The following SNX9 variants were observed in gnomAD, a reference collection of about 807,000 sequenced individuals.
SNX9 encodes the protein sorting nexin-9.
Under a neutral mutation model 89.4 loss-of-function variants are expected in SNX9, and 44 were observed. The observed-to-expected ratio is 0.49, with a 90% CI of 0.39 to 0.63. The LOEUF (loss-of-function observed/expected upper bound fraction) is 0.63, where lower values mean the gene tolerates loss of function less well. Among genes scored for constraint, SNX9 ranks in the 30% least tolerant of loss-of-function variants. The pLI, the probability that SNX9 is intolerant of heterozygous loss-of-function variation, is 0.00. For synonymous variants in SNX9, 236 were observed against 247.8 expected (o/e 0.95, Z 0.45); for missense variants, 578 against 736.1 (o/e 0.79, Z 2.49).
intron 10 of SNX9, among the ~76,000 whole-genome samples, chr6:157,925,995 A>G (rs1384544945): frequency 6.6e-6 from 1 of 152,224 alleles, no homozygotes; most frequent in Non-Finnish European, 1.5e-5. Context: ...AAAAAGGGAC[A>G]AACCCCCTCC....
chr6:157,857,961 G>A (rs1164429045), intron 1 of SNX9, among the ~76,000 whole-genome samples: 1 of 152,062 alleles, frequency 6.6e-6, no homozygotes, highest in African/African-American at 2.4e-5. Flanking sequence ...TTGTGGTCTG[G>A]AGAGCCCATC....
At chr6:157,864,193 G>C (rs574312870) in intron 1 of SNX9, among the ~76,000 whole-genome samples, 1 of 152,204 alleles carries the variant, frequency 6.6e-6, no homozygotes, top group South Asian at 2.1e-4. Context: ...CAGGGGTAAG[G>C]GTGTTGTGTC....
At chr6:157,903,391 C>A (rs867215157) in intron 6 of SNX9, among the ~76,000 whole-genome samples, 1 of 152,124 alleles carries the variant, frequency 6.6e-6, no homozygotes, top group Non-Finnish European at 1.5e-5. Flanking sequence ...TTTGACTGCA[C>A]ACTTTTGCTG....
intron 10 of SNX9, among the ~76,000 whole-genome samples, chr6:157,924,999 T>G (rs1783660856): frequency 6.6e-6 from 1 of 152,168 alleles, no homozygotes; most frequent in Non-Finnish European, 1.5e-5. Flanking sequence ...CAGGGAAGAA[T>G]TTCTGAAATA....
At chr6:157,833,225 A>G (rs568762487) in intron 1 of SNX9, among the ~76,000 whole-genome samples, 1 of 152,244 alleles carries the variant, frequency 6.6e-6, no homozygotes. Context: ...TTTATGTTTT[A>G]GTTTGTTTTA....
chr6:157,938,885 C>T (rs16900522), intron 16 of SNX9, 138 bp downstream of exon 16: 17 of 599,520 alleles, frequency 2.8e-5, no homozygotes, highest in East Asian at 7.9e-5. Flanking sequence ...TGCAGGATCC[C>T]GGTGCTGATG....
chr6:157,839,173 G>T (rs1407946898), intron 1 of SNX9, among the ~76,000 whole-genome samples: 1 of 152,142 alleles, frequency 6.6e-6, no homozygotes, highest in East Asian at 1.9e-4. Context: ...TCAATGAATT[G>T]TCCTTGTGTA....
intron 1 of SNX9, among the ~76,000 whole-genome samples, chr6:157,859,249 T>A (rs1285476995): frequency 1.3e-5 from 2 of 152,250 alleles, no homozygotes; most frequent in East Asian, 3.8e-4. Context: ...CTCCCATGTT[T>A]CTAGGTGACC....
At chr6:157,862,013 A>G (rs898954086) in intron 1 of SNX9, among the ~76,000 whole-genome samples, 1 of 152,180 alleles carries the variant, frequency 6.6e-6, no homozygotes, top group Non-Finnish European at 1.5e-5. Flanking sequence ...GGGATGATTC[A>G]TGTCCTGAGT....
chr6:157,871,074 T>C (rs1782398972), intron 2 of SNX9, among the ~76,000 whole-genome samples: 1 of 152,242 alleles, frequency 6.6e-6, no homozygotes, highest in African/African-American at 2.4e-5. Flanking sequence ...GTACTTTATA[T>C]GTCTTGGATT....
At chr6:157,844,439 C>T (rs1375369166) in intron 1 of SNX9, among the ~76,000 whole-genome samples, 2 of 142,818 alleles carry the variant, frequency 1.4e-5, no homozygotes, top group African/African-American at 2.9e-5. Context: ...GTTTATTGAT[C>T]GGGGTGGTGC....
intron 1 of SNX9, among the ~76,000 whole-genome samples, chr6:157,860,617 A>C (rs1290370329): frequency 6.6e-6 from 1 of 152,202 alleles, no homozygotes; most frequent in East Asian, 1.9e-4. Context: ...TGTGCACCGC[A>C]TATAGAAGCT....
At chr6:157,880,169 G>T (rs1393499100) in intron 4 of SNX9, among the ~76,000 whole-genome samples, 1 of 152,210 alleles carries the variant, frequency 6.6e-6, no homozygotes, top group Admixed American at 6.5e-5. Flanking sequence ...AGGCTTGCCA[G>T]TGCGGCTCCA....
At chr6:157,930,415 G>T (rs1320693153) in intron 12 of SNX9, among the ~76,000 whole-genome samples, 1 of 152,164 alleles carries the variant, frequency 6.6e-6, no homozygotes, top group East Asian at 1.9e-4. Flanking sequence ...GATGACTCAG[G>T]AACAAAAAGC....
chr6:157,938,684 A>G lies in SNX9; in HGVS notation c.1585A>G (p.Ile529Val). Residue 529 changes from isoleucine to valine, a missense_variant, in exon 16 of 18, where the codon ATC becomes GTC. Coordinates refer to ENST00000392185, the MANE Select transcript of SNX9 (RefSeq NM_016224.5). Reference sequence around the variant, plus strand: ...TGACAAACTAGTTGCAACAAGTAAAATCACCCTACAAGACAAACAGAACAT... The same window carrying G: ...TGACAAACTAGTTGCAACAAGTAAAGTCACCCTACAAGACAAACAGAACAT... ...ESDKLVATSKITLQDKQNMVK... is the reference protein window; with the variant it reads ...ESDKLVATSKVTLQDKQNMVK... 3 of 1,614,166 alleles carry G rather than the reference A, an allele frequency of 1.9e-6. No individual in the cohort carries two copies. Among genetic ancestry groups the G allele is most frequent in the Middle Eastern group, 1.6e-4 (1 of 6,062 alleles).
Position 157,944,183 on chromosome 6 carries a change from CCT to C in SNX9, c.*1347_*1348del, listed in dbSNP as rs1256558774. The C allele has an allele frequency of 6.6e-6, 1 of 152,366 alleles. No homozygotes were observed. Among genetic ancestry groups the C allele is most frequent in the African/African-American group, 2.4e-5 (1 of 41,452 alleles). The allele number at this position is 152,366 out of a possible 1,614,324, so 9.4% of individuals were successfully genotyped here. A position where few individuals can be genotyped will look rare whatever the true frequency, so the allele number is the denominator to read the frequency against. ...CTCCCACAGGTGCCTTACCGCGTTC[CCT>C]CCCGCTGCTTTCATTTTTCTGACCT... On this transcript the variant is annotated 3_prime_UTR_variant, in exon 18 of 18. Transcript: ENST00000392185.
intron 4 of SNX9, among the ~76,000 whole-genome samples, chr6:157,878,228 G>A (rs530889095): frequency 6.6e-5 from 10 of 152,214 alleles, no homozygotes; most frequent in Non-Finnish European, 1.3e-4. Context: ...TTTTGGTGGT[G>A]AGAAAACGCT....
chr6:157,910,124 C>T (rs919386656), intron 9 of SNX9, 99 bp downstream of exon 9: 4 of 871,280 alleles, frequency 4.6e-6, no homozygotes, highest in Admixed American at 3.6e-5. Context: ...TCCTGTAGAG[C>T]AGCAGGATGC....
intron 1 of SNX9, among the ~76,000 whole-genome samples, chr6:157,863,315 T>C (rs1393397683): frequency 6.6e-6 from 1 of 152,252 alleles, no homozygotes; most frequent in East Asian, 1.9e-4. Context: ...AGATGTGTGC[T>C]TGCACACTTG....
Sources: gnomAD v4.1 joint callset for allele counts (sites outside exome capture counted in the v4.1 genomes callset) on GRCh38, gnomAD v4.1.1 for gene constraint, MANE v1.5 for transcripts, NCBI Gene and HGNC (gene_info 2026-07-23, HGNC 2026-07-21) for gene names.